SLC2A5: variants seen among roughly 807,000 people sequenced by gnomAD.
SLC2A5 encodes solute carrier family 2 member 5.
A neutral mutation model predicts 50.3 loss-of-function variants in SLC2A5; 56 were observed. The observed-to-expected ratio is 1.11, with a 90% confidence interval of 0.90 to 1.39. SLC2A5 has a LOEUF of 1.39. SLC2A5 is among the 40% of genes most tolerant of loss of function. The pLI is 0.00. For missense variants in SLC2A5, 566 were observed against 650.1 expected (o/e 0.87, Z 1.41); for synonymous variants, 269 against 281.9 (o/e 0.95, Z 0.46).
At chr1:9,056,679 G>A (rs528086401) in intron 3 of SLC2A5, among the ~76,000 whole-genome samples, 7 of 152,212 alleles carry the variant, frequency 4.6e-5, no homozygotes, top group South Asian at 4.2e-4. Context: ...TTATACGGGG[G>A]AGCGTGACAT....
chr1:9,042,167 T>G (rs1163403239), intron 4 of SLC2A5, among the ~76,000 whole-genome samples: 1 of 152,194 alleles, frequency 6.6e-6, no homozygotes, highest in African/African-American at 2.4e-5. Flanking sequence ...CCATATCATC[T>G]GGGGACACTG....
At chr1:9,063,132 C>A (rs1641988276) in intron 1 of SLC2A5, among the ~76,000 whole-genome samples, 1 of 152,240 alleles carries the variant, frequency 6.6e-6, no homozygotes, top group Admixed American at 6.5e-5. Flanking sequence ...GAGAGTTCAA[C>A]TTTTTCAGAT....
At chr1:9,073,124 A>G (rs1393388483), upstream of SLC2A5, 1 of 152,248 alleles carries the variant, frequency 6.6e-6, no homozygotes, top group East Asian at 1.9e-4. Context: ...CCAGACAATG[A>G]TACCAGGACT....
chr1:9,048,182 AC>A (rs1641482937), intron 3 of SLC2A5, among the ~76,000 whole-genome samples: 1 of 152,192 alleles, frequency 6.6e-6, no homozygotes, highest in African/African-American at 2.4e-5. Flanking sequence ...AACAGCATAT[AC>A]AAAAATATTT....
chr1:9,091,729 G>GA (rs1457333241), upstream of SLC2A5, among the ~76,000 whole-genome samples: 2 of 151,832 alleles, frequency 1.3e-5, no homozygotes, highest in Non-Finnish European at 2.9e-5. Flanking sequence ...CACATAAAAG[G>GA]AGTCCCAGAT....
At chr1:9,058,332 G>GT in intron 1 of SLC2A5, 82 bp from the exon 2 acceptor site, 1 of 936,908 alleles carries the variant, frequency 1.1e-6, no homozygotes. Context: ...GTAGAAAGAT[G>GT]TAACAGAATC....
chr1:9,075,110 G>A (rs1642266136), intron 2 of SLC2A5, among the ~76,000 whole-genome samples: 1 of 152,040 alleles, frequency 6.6e-6, no homozygotes, highest in Non-Finnish European at 1.5e-5. Flanking sequence ...CAGCACCAGG[G>A]GAAAGCAAAA....
At chr1:9,068,165 G>T (rs1642130552) in intron 1 of SLC2A5, among the ~76,000 whole-genome samples, 1 of 135,242 alleles carries the variant, frequency 7.4e-6, no homozygotes, top group Non-Finnish European at 1.5e-5. Context: ...ACTTCAGCCT[G>T]GGTGACAGAG....
Position 9,037,758 on chromosome 1 carries a change from A to T in SLC2A5, c.1334T>A (p.Phe445Tyr). The change falls in exon 12 of 12, where the codon TTC becomes TAC. Residue 445 changes from phenylalanine (F) to tyrosine (Y), a missense_variant. Transcript: ENST00000377424. ...GGTGGTGAGGAGGCAGATCACGGCG[A>T]AGACAATGAAGCTGTACGGGCCGAG... ...EGLGPYSFIV[F>Y]AVICLLTTIY... is the part of the protein sequence containing the mutation. The T allele has an allele frequency of 6.2e-7, 1 of 1,614,158 alleles. No homozygotes were observed. Among genetic ancestry groups the T allele is most frequent in the Non-Finnish European group, 8.5e-7 (1 of 1,180,036 alleles).
At chr1:9,076,379 G>T (rs185049924) in intron 2 of SLC2A5, among the ~76,000 whole-genome samples, 14 of 152,274 alleles carry the variant, frequency 9.2e-5, no homozygotes, top group African/African-American at 3.1e-4. Context: ...TGCTTATCAA[G>T]ACTGCATTTA....
At chr1:9,070,184 G>A (rs1013548462), upstream of SLC2A5, among the ~76,000 whole-genome samples, 2 of 143,928 alleles carry the variant, frequency 1.4e-5, no homozygotes, top group African/African-American at 5.3e-5. Context: ...GAGTTCAAGC[G>A]ATTCTCCTGC....
chr1:9,036,282 TC>T lies in SLC2A5; in HGVS notation c.*1303del, dbSNP rs1641132533. 1 of 152,158 alleles carries T rather than the reference TC, an allele frequency of 6.6e-6. No individual in the cohort carries two copies. The highest frequency in any genetic ancestry group is 2.1e-4 in the South Asian group (1 of 4,826). The allele number at this position is 152,158 out of a possible 1,614,324, so 9.4% of individuals were successfully genotyped here. On this transcript the variant is annotated 3_prime_UTR_variant, in exon 12 of 12. Transcript: ENST00000377424. The stretch of plus-strand genomic sequence containing the variant: ...TTGACCTCCCAGGCTCAAGCGATCC[TC>T]CCATTTCAGCCTCCCAAATAGCTGG...
intron 1 of SLC2A5, among the ~76,000 whole-genome samples, chr1:9,067,726 C>T (rs144605912): frequency 5.3e-4 from 80 of 152,224 alleles, no homozygotes; most frequent in African/African-American, 1.8e-3. Flanking sequence ...TCGGGGACAT[C>T]GGTTGTCACT....
At position 9,040,236 on chromosome 1, in the gene SLC2A5, C is replaced by A. The variant is rs780227259; in HGVS notation, c.572-47G>T. The A allele has an allele frequency of 1.3e-6, 2 of 1,531,984 alleles. No homozygotes were observed. The highest frequency in any genetic ancestry group is 1.2e-5 in the South Asian group (1 of 82,638). 94.9% of individuals were successfully genotyped at this position (1,531,984 alleles called of 1,614,324 possible). Reference sequence around the variant, plus strand: ...GGCACCAGCGGCCTCCCCACCACCCCGAAGGCGCCCTCTGCAGAGCCGGCC... The same window carrying A: ...GGCACCAGCGGCCTCCCCACCACCCAGAAGGCGCCCTCTGCAGAGCCGGCC... On this transcript the variant is annotated intron_variant, in intron 5 of 11. Coordinates refer to ENST00000377424, the MANE Select transcript of SLC2A5 (RefSeq NM_003039.3). This position sits in a 1 kb window ranked among gnomAD's most constrained non-coding sequence, Gnocchi z 4.3.
At chr1:9,057,426 T>C in intron 3 of SLC2A5, 22 bp downstream of exon 3, 1 of 1,589,256 alleles carries the variant, frequency 6.3e-7, no homozygotes, top group Non-Finnish European at 8.6e-7. Context: ...TTTCAGGGAA[T>C]TAAAAATTCA....
intron 1 of SLC2A5, among the ~76,000 whole-genome samples, chr1:9,060,267 TCCCCACATGTACACAAACACTACAC>T (rs1641894720): frequency 7.1e-5 from 3 of 42,126 alleles, no homozygotes; most frequent in Non-Finnish European, 4.5e-5. Flanking sequence ...ACACACACAC[TCCCCACATGTACACAAACACTACAC>T]ACACACACGC....
upstream of SLC2A5, among the ~76,000 whole-genome samples, chr1:9,091,418 G>A (rs564201851): frequency 2.0e-5 from 3 of 152,132 alleles, no homozygotes; most frequent in Non-Finnish European, 4.4e-5. Flanking sequence ...TGGCCTCTTT[G>A]CTTAAAATTT....
chr1:9,037,559 C>A lies in SLC2A5; in HGVS notation c.*27G>T, dbSNP rs1159434448. The A allele has an allele frequency of 6.2e-7, 1 of 1,600,976 alleles. No homozygotes were observed. The highest frequency in any genetic ancestry group is 8.6e-7 in the Non-Finnish European group (1 of 1,168,696). On this transcript the variant is annotated 3_prime_UTR_variant, in exon 12 of 12. Transcript: ENST00000377424. ...GCCAAAGTGGGAAGCCCCTGGCAGACCAGCTCCACTGGCTTCCTCTCCAGA... is the reference window on the plus strand; with the variant it reads ...GCCAAAGTGGGAAGCCCCTGGCAGAACAGCTCCACTGGCTTCCTCTCCAGA...
intron 7 of SLC2A5, 42 bp from the exon 8 acceptor site, chr1:9,039,704 C>A (rs761217627): frequency 2.1e-6 from 3 of 1,456,646 alleles, no homozygotes; most frequent in Admixed American, 5.0e-5. Flanking sequence ...CCGGAGGAGG[C>A]GGCCTCGGCG....
Sources: allele counts gnomAD v4.1 joint callset (sites outside exome capture counted in the v4.1 genomes callset), GRCh38; gene constraint gnomAD v4.1.1; non-coding constraint Gnocchi (gnomAD v3.1); transcripts MANE v1.5; gene names NCBI Gene and HGNC (gene_info 2026-07-23, HGNC 2026-07-21).